GAR1: variants seen among roughly 807,000 people sequenced by gnomAD.
The protein encoded by GAR1 is H/ACA ribonucleoprotein complex subunit 1.
A neutral mutation model predicts 29.3 loss-of-function variants in GAR1; 11 were observed. The ratio of observed to expected loss-of-function variants is 0.38; its 90% confidence interval spans 0.24 to 0.62. The LOEUF (loss-of-function observed/expected upper bound fraction) is 0.62, where lower values mean the gene tolerates loss of function less well. Ranked by LOEUF, GAR1 falls within the 20% of genes least tolerant of loss-of-function variation. The probability of loss-of-function intolerance (pLI) is 0.62; values close to 1 mark genes in which losing one functional copy is unlikely to be tolerated. For synonymous variants in GAR1, 87 were observed against 93.3 expected (o/e 0.93, Z 0.39); for missense variants, 237 against 268.4 (o/e 0.88, Z 0.82).
At chr4:109,815,701 A>T, upstream of GAR1, 1 of 171,636 alleles carries the variant, frequency 5.8e-6, no homozygotes, top group Non-Finnish European at 1.3e-5. Context: ...TGGTCTTTAA[A>T]AAACTCTGTG....
At chr4:109,822,525 T>C (rs770835604) in intron 5 of GAR1, 37 bp downstream of exon 5, 1 of 1,575,178 alleles carries the variant, frequency 6.3e-7, no homozygotes, top group African/African-American at 1.4e-5. Context: ...TGAAATTAAC[T>C]GTGACTTTCA....
intron 2 of GAR1, among the ~76,000 whole-genome samples, chr4:109,816,725 G>A (rs1263082382): frequency 2.0e-5 from 3 of 152,188 alleles, no homozygotes; most frequent in Non-Finnish European, 4.4e-5. Context: ...TGGGTGCGGT[G>A]GCTCACGCCT....
chr4:109,823,275 G>A (rs1158625134), intron 5 of GAR1, among the ~76,000 whole-genome samples: 1 of 152,052 alleles, frequency 6.6e-6, no homozygotes, highest in Non-Finnish European at 1.5e-5. Context: ...TTTTGTTACT[G>A]GATCAGAAAA....
intron 1 of GAR1, 163 bp downstream of exon 1, chr4:109,815,967 C>T: frequency 4.5e-6 from 3 of 659,688 alleles, no homozygotes; most frequent in Non-Finnish European, 2.7e-6. Context: ...TCGGTCGGCG[C>T]TCACGAGACC....
chr4:109,819,588 G>T (rs1378709121), intron 4 of GAR1: 1 of 153,246 alleles, frequency 6.5e-6, no homozygotes, highest in African/African-American at 2.4e-5. Flanking sequence ...ACACCTGGTT[G>T]CATGTCAGAG....
At chr4:109,821,145 G>A (rs1342918569) in intron 4 of GAR1, among the ~76,000 whole-genome samples, 2 of 152,156 alleles carry the variant, frequency 1.3e-5, no homozygotes, top group East Asian at 3.9e-4. Flanking sequence ...GTAGACCAGT[G>A]CTCTCCACTT....
At chr4:109,817,457 T>A (rs1288308547) in intron 2 of GAR1, among the ~76,000 whole-genome samples, 5 of 151,736 alleles carry the variant, frequency 3.3e-5, no homozygotes, top group Non-Finnish European at 7.4e-5. Context: ...AATGGAAAAG[T>A]TCTAAGGCAA....
chr4:109,818,473 T>TTC (rs1194926971), intron 3 of GAR1, among the ~76,000 whole-genome samples: 1 of 143,578 alleles, frequency 7.0e-6, no homozygotes, highest in Non-Finnish European at 1.5e-5. Flanking sequence ...CTTTCTTTCT[T>TTC]TCTCTCTCTT....
At position 109,816,136 on chromosome 4, in the gene GAR1, C is replaced by CGT; in HGVS notation, c.-12-16_-12-15dup. On this transcript the variant is annotated splice_polypyrimidine_tract_variant and intron_variant, in intron 1 of 6. Coordinates refer to ENST00000226796, the MANE Select transcript of GAR1 (RefSeq NM_018983.4). The stretch of plus-strand genomic sequence containing the variant: ...GCTACAGTGATCAGAAGACATAGGT[C>CGT]GTTTTTTTTTCATCAGGGAGGAGAG... 1 of 1,569,166 alleles carries CGT rather than the reference C, an allele frequency of 6.4e-7. No individual in the cohort carries two copies.
chr4:109,822,443 CGAG>C lies in GAR1; in HGVS notation c.535_537del (p.Gly179del). ...TCCAAGAGGTGGTGGCAGGGGAGGCCGAGGAGGAGGAAGAGGAGGAGGTGGCAG... is the reference window on the plus strand; with the variant it reads ...TCCAAGAGGTGGTGGCAGGGGAGGCCGAGGAGGAAGAGGAGGAGGTGGCAG... On this transcript the variant is annotated inframe_deletion, in exon 5 of 7. Transcript: ENST00000226796. 2 of 1,607,430 alleles carry C rather than the reference CGAG, an allele frequency of 1.2e-6. No homozygotes were observed. Among genetic ancestry groups the C allele is most frequent in the Non-Finnish European group, 1.7e-6 (2 of 1,175,308 alleles).
At chr4:109,821,727 GAT>G (rs1733517477) in intron 4 of GAR1, among the ~76,000 whole-genome samples, 2 of 152,238 alleles carry the variant, frequency 1.3e-5, no homozygotes, top group Admixed American at 6.5e-5. Flanking sequence ...AAAGAGAAAT[GAT>G]ATTGAATTGG....
chr4:109,817,778 G>T (rs1224286105), intron 2 of GAR1, among the ~76,000 whole-genome samples, 158 bp from the exon 3 acceptor site: 1 of 152,228 alleles, frequency 6.6e-6, no homozygotes, highest in East Asian at 1.9e-4. Context: ...TGTGGAGTTG[G>T]TATACCAGCC....
chr4:109,822,259 G>C lies in GAR1; in HGVS notation c.430-88G>C, dbSNP rs75400523. 4.9e-4 allele frequency: 364 copies of C among 738,188 alleles called. 2 individuals are homozygous for C. In the African/African-American group the frequency reaches 5.9e-3, roughly 12 times the overall value. The allele number at this position is 738,188 out of a possible 1,614,324, so 45.7% of individuals were successfully genotyped here. On this transcript the variant is annotated intron_variant, in intron 4 of 6. Coordinates refer to ENST00000226796, the MANE Select transcript of GAR1 (RefSeq NM_018983.4). ...TGGTAGGATTGGGGTTTGAACCCAGGCAGTTTTGACTCTATCATGTAGCTT... is the reference window on the plus strand; with the variant it reads ...TGGTAGGATTGGGGTTTGAACCCAGCCAGTTTTGACTCTATCATGTAGCTT...
intron 2 of GAR1, 46 bp downstream of exon 2, chr4:109,816,424 GT>G (rs1439072414): frequency 1.9e-6 from 3 of 1,574,386 alleles, no homozygotes; most frequent in Non-Finnish European, 2.6e-6. Flanking sequence ...GTAGGTGTGG[GT>G]TGGGGGTTTG....
At chr4:109,821,688 TG>T (rs1733515939) in intron 4 of GAR1, among the ~76,000 whole-genome samples, 1 of 152,192 alleles carries the variant, frequency 6.6e-6, no homozygotes, top group South Asian at 2.1e-4. Flanking sequence ...GCAGTTCTGT[TG>T]AGTGGAAATG....
Position 109,818,022 on chromosome 4 carries a change from C to T in GAR1, c.301C>T (p.Pro101Ser), listed in dbSNP as rs772132118. The T allele has an allele frequency of 6.2e-7, 1 of 1,605,352 alleles. No individual in the cohort carries two copies. Among genetic ancestry groups the T allele is most frequent in the Non-Finnish European group, 8.5e-7 (1 of 1,173,906 alleles). The change falls in exon 3 of 7, where the codon CCT becomes TCT. Residue 101 changes from proline (P) to serine (S), a missense_variant. Transcript: ENST00000226796. ...DENKVPYFNA[P>S]VYLENKEQIG... The stretch of plus-strand genomic sequence containing the variant: ...AAATAAGGTGCCTTATTTCAATGCT[C>T]CTGTTTACTTAGAAAACAAAGAACA...
chr4:109,824,074 A>C (rs1486343256), intron 6 of GAR1, 41 bp downstream of exon 6: 3 of 1,282,606 alleles, frequency 2.3e-6, no homozygotes, highest in Non-Finnish European at 3.4e-6. Flanking sequence ...TAATGTTTAA[A>C]ATTGATATTA....
In GAR1 at chr4:109,816,146, T is replaced by TC. The variant is rs1733342259; in HGVS notation, c.-12-6dup. On this transcript the variant is annotated splice_polypyrimidine_tract_variant and splice_region_variant and intron_variant, in intron 1 of 6. Coordinates refer to ENST00000226796, the MANE Select transcript of GAR1 (RefSeq NM_018983.4). ...TCAGAAGACATAGGTCGTTTTTTTT[T>TC]CATCAGGGAGGAGAGAGAATGTCTT... is the stretch of plus-strand genomic sequence containing the variant. 6.2e-7 allele frequency: 1 copy of TC among 1,610,556 alleles called. No individual in the cohort carries two copies.
At chr4:109,822,662 C>G in intron 5 of GAR1, 174 bp downstream of exon 5, 1 of 604,278 alleles carries the variant, frequency 1.7e-6, no homozygotes, top group Non-Finnish European at 2.6e-6. Flanking sequence ...CAACAACTTA[C>G]TTAAAAAGAA....
Sources: allele counts gnomAD v4.1 joint callset (sites outside exome capture counted in the v4.1 genomes callset), GRCh38; gene constraint gnomAD v4.1.1; transcripts MANE v1.5; gene names NCBI Gene and HGNC (gene_info 2026-07-23, HGNC 2026-07-21).